CFTR: variants seen among roughly 807,000 people sequenced by gnomAD.
The protein encoded by CFTR is cystic fibrosis transmembrane conductance regulator.
CFTR carries 181 observed loss-of-function variants against 171.6 expected under a neutral mutation model. That is an observed-to-expected ratio of 1.05 (90% confidence interval 0.93 to 1.19). CFTR has a LOEUF of 1.19. Among genes scored for constraint, CFTR ranks in the 50% most tolerant of loss-of-function variants. The pLI, the probability that CFTR is intolerant of heterozygous loss-of-function variation, is 0.00. For missense variants in CFTR, 1,968 were observed against 1,734.7 expected, an observed-to-expected ratio of 1.13 and a Z score of -2.39; for synonymous variants, 583 against 608.0, an observed-to-expected ratio of 0.96 and a Z score of 0.60.
At chr7:117,588,201 G>T (rs1286464135) in intron 12 of CFTR, among the ~76,000 whole-genome samples, 1 of 151,910 alleles carries the variant, frequency 6.6e-6, no homozygotes, top group Non-Finnish European at 1.5e-5. Context: ...ACCAGCTTTA[G>T]GCTTCTTGGT....
chr7:117,562,838 A>T (rs1791537307), intron 11 of CFTR, among the ~76,000 whole-genome samples: 1 of 152,204 alleles, frequency 6.6e-6, no homozygotes. Flanking sequence ...GTCAAATACA[A>T]AAATGTATTT....
In CFTR at chr7:117,611,731, G is replaced by A. The variant is rs756579825; in HGVS notation, c.3290G>A (p.Arg1097His). 13 of 1,613,284 alleles carry A rather than the reference G, an allele frequency of 8.1e-6. No homozygotes were observed. The highest frequency in any genetic ancestry group is 2.2e-5 in the South Asian group (2 of 91,062). ...TGGTTCTTGTACCTGTCAACACTGC[G>A]CTGGTTCCAAATGAGAATAGAAATG... is the stretch of plus-strand genomic sequence containing the variant. ...ANWFLYLSTL[R>H]WFQMRIEMIF... The change falls in exon 20 of 27, where the codon CGC (arginine) becomes CAC (histidine). Residue 1097 changes from arginine (R) to histidine (H), a missense_variant. By Grantham distance (29) the Arg-to-His change is conservative. Transcript: ENST00000003084.
At chr7:117,539,976 G>T in intron 7 of CFTR, 124 bp from the exon 8 acceptor site, 3 of 770,872 alleles carry the variant, frequency 3.9e-6, no homozygotes, top group Non-Finnish European at 2.2e-6. Flanking sequence ...CATATGATGT[G>T]GAGCCAGGTT....
In CFTR at chr7:117,510,901, C is replaced by T. The variant is rs1362778762; in HGVS notation, c.273+1759C>T. ...TAACTCCATGGAGCAAAAATTATCT[C>T]TAATTTATATAACAGGAAGTTGAGC... On this transcript the variant is annotated intron_variant, in intron 3 of 26. Coordinates refer to ENST00000003084, the MANE Select transcript of CFTR (RefSeq NM_000492.4). 3.9e-5 allele frequency among the ~76,000 whole-genome samples: 6 copies of T among 152,044 alleles called. No homozygotes were observed. In the East Asian group the frequency reaches 9.6e-4, roughly 24 times the overall value.
At chr7:117,537,151 G>T (rs1253493432) in intron 7 of CFTR, among the ~76,000 whole-genome samples, 1 of 152,138 alleles carries the variant, frequency 6.6e-6, no homozygotes, top group Admixed American at 6.5e-5. Context: ...ATGACATAGG[G>T]TAATATTCAC....
intron 26 of CFTR, among the ~76,000 whole-genome samples, chr7:117,665,816 T>C (rs1793366788): frequency 6.6e-6 from 1 of 152,212 alleles, no homozygotes; most frequent in South Asian, 2.1e-4. Flanking sequence ...ATAGGATATA[T>C]ATACTTTTTG....
chr7:117,532,742 T>C (rs1562889856), intron 4 of CFTR, among the ~76,000 whole-genome samples: 1 of 152,198 alleles, frequency 6.6e-6, no homozygotes. Context: ...TCTTCCTTTC[T>C]CAATGTTGCA....
At chr7:117,501,772 G>GAAAAAA (rs1798332750) in intron 1 of CFTR, among the ~76,000 whole-genome samples, 2 of 73,586 alleles carry the variant, frequency 2.7e-5, no homozygotes, top group Non-Finnish European at 2.9e-5. Flanking sequence ...AAAAAAAAAA[G>GAAAAAA]AAACAAAAAA....
Position 117,592,237 on chromosome 7 carries a change from T to G in CFTR, c.2070T>G (p.Thr690=). 6.2e-7 allele frequency: 1 copy of G among 1,613,786 alleles called. No homozygotes were observed. The highest frequency in any genetic ancestry group is 8.5e-7 in the Non-Finnish European group (1 of 1,179,962). The change falls in exon 14 of 27, where the codon ACT becomes ACG. Residue 690 remains threonine, a synonymous_variant. Transcript: ENST00000003084. ...CAAAAAAACAATCTTTTAAACAGAC[T>G]GGAGAGTTTGGGGAAAAAAGGAAGA... ...TETKKQSFKQ[T]GEFGEKRKNS...
Position 117,666,928 on chromosome 7 carries a change from G to A in CFTR, c.4263G>A (p.Val1421=), listed in dbSNP as rs1793385225. Residue 1421 remains valine, a synonymous_variant, in exon 27 of 27, where the codon GTG becomes GTA. Transcript: ENST00000003084. ...CCTAGGTCATAGAAGAGAACAAAGT[G>A]CGGCAGTACGATTCCATCCAGAAAC... The part of the protein sequence containing the change: ...QQFLVIEENK[V]RQYDSIQKLL... The A allele has an allele frequency of 1.2e-6, 2 of 1,614,044 alleles. No individual in the cohort carries two copies. Among genetic ancestry groups the A allele is most frequent in the South Asian group, 1.1e-5 (1 of 91,078 alleles).
At chr7:117,602,977 T>C (rs1792247984) in intron 16 of CFTR, 114 bp downstream of exon 16, 2 of 1,019,616 alleles carry the variant, frequency 2.0e-6, no homozygotes, top group African/African-American at 3.2e-5. Flanking sequence ...CTCCCAAGCA[T>C]TATGGTAGTG....
intron 6 of CFTR, among the ~76,000 whole-genome samples, chr7:117,536,293 A>G (rs900705889): frequency 6.6e-6 from 1 of 152,162 alleles, no homozygotes; most frequent in African/African-American, 2.4e-5. Flanking sequence ...CATCTCTAAA[A>G]TAGAGATACC....
chr7:117,651,534 C>A (rs1793090065), intron 23 of CFTR, among the ~76,000 whole-genome samples: 2 of 152,036 alleles, frequency 1.3e-5, no homozygotes, highest in Admixed American at 1.3e-4. Flanking sequence ...CAAACATATC[C>A]CTCACATATC....
At chr7:117,553,400 A>G (rs1286039491) in intron 10 of CFTR, among the ~76,000 whole-genome samples, 2 of 152,310 alleles carry the variant, frequency 1.3e-5, no homozygotes, top group East Asian at 3.9e-4. Flanking sequence ...CATATCATTT[A>G]GCACATCTGC....
At chr7:117,563,161 G>A (rs1791544779) in intron 11 of CFTR, among the ~76,000 whole-genome samples, 1 of 152,156 alleles carries the variant, frequency 6.6e-6, no homozygotes, top group Non-Finnish European at 1.5e-5. Flanking sequence ...GTAGGTTACT[G>A]AAGAAAGTTA....
chr7:117,590,374 T>C lies in CFTR; in HGVS notation c.1701T>C (p.Asp567=). Residue 567 remains aspartate, a synonymous_variant, in exon 13 of 27, where the codon GAT becomes GAC. Coordinates refer to ENST00000003084, the MANE Select transcript of CFTR (RefSeq NM_000492.4). ...TTAGAGCAGTATACAAAGATGCTGA[T>C]TTGTATTTATTAGACTCTCCTTTTG... is the stretch of plus-strand genomic sequence containing the variant. The part of the protein sequence containing the change: ...SLARAVYKDA[D]LYLLDSPFGY... The C allele has an allele frequency of 6.2e-7, 1 of 1,603,072 alleles. No homozygotes were observed. Among genetic ancestry groups the C allele is most frequent in the Non-Finnish European group, 8.5e-7 (1 of 1,172,104 alleles).
chr7:117,502,882 A>G (rs967172346), intron 1 of CFTR, among the ~76,000 whole-genome samples: 63 of 152,348 alleles, frequency 4.1e-4, no homozygotes, highest in African/African-American at 1.5e-3. Context: ...ATATCTTAGT[A>G]AGGAATAATT....
chr7:117,642,330 G>A, intron 22 of CFTR, 108 bp from the exon 23 acceptor site: 2 of 1,109,968 alleles, frequency 1.8e-6, no homozygotes, highest in Non-Finnish European at 2.7e-6. Context: ...TTCCACTGGT[G>A]ACAGGATAAA....
At chr7:117,651,502 T>C (rs1373279645) in intron 23 of CFTR, among the ~76,000 whole-genome samples, 1 of 152,192 alleles carries the variant, frequency 6.6e-6, no homozygotes, top group Non-Finnish European at 1.5e-5. Flanking sequence ...TTTATTTACA[T>C]AGAAGTTTGG....
Sources: gnomAD v4.1 joint callset for allele counts (sites outside exome capture counted in the v4.1 genomes callset) on GRCh38, gnomAD v4.1.1 for gene constraint, MANE v1.5 for transcripts, NCBI Gene and HGNC (gene_info 2026-07-23, HGNC 2026-07-21) for gene names.